The following SGCZ variants were observed in gnomAD, a reference collection of about 807,000 sequenced individuals.
The protein encoded by SGCZ is sarcoglycan zeta.
Under a neutral mutation model 41.3 loss-of-function variants are expected in SGCZ, and 40 were observed. The ratio of observed to expected loss-of-function variants is 0.97; its 90% CI spans 0.75 to 1.26. The LOEUF (loss-of-function observed/expected upper bound fraction) is 1.26, where lower values mean the gene tolerates loss of function less well. Ranked by LOEUF, SGCZ falls within the 50% of genes most tolerant of loss-of-function variation. The pLI is 0.00. For missense variants in SGCZ, 552 were observed against 369.8 expected (o/e 1.49, Z -4.04); for synonymous variants, 206 against 137.5 (o/e 1.50, Z -3.49).
chr8:14,377,406 G>A (rs1585424585), intron 2 of SGCZ, among the ~76,000 whole-genome samples: 3 of 152,054 alleles, frequency 2.0e-5, no homozygotes, highest in African/African-American at 7.2e-5. Context: ...TAATCAACTG[G>A]TAATAGGAAG....
chr8:14,366,079 T>C (rs548362913), intron 2 of SGCZ, among the ~76,000 whole-genome samples: 2 of 152,326 alleles, frequency 1.3e-5, no homozygotes, highest in African/African-American at 4.8e-5. Context: ...ATTTTTATCA[T>C]ATTTTTATAT....
intron 1 of SGCZ, among the ~76,000 whole-genome samples, chr8:14,662,124 C>G (rs1807773446): frequency 6.8e-6 from 1 of 146,054 alleles, no homozygotes; most frequent in Admixed American, 6.7e-5. Context: ...AATTCAAAAT[C>G]CAGTCACTGT....
In SGCZ at chr8:14,558,352, A is replaced by C. The variant is rs868753071; in HGVS notation, c.40-3426T>G. On this transcript the variant is annotated intron_variant, in intron 1 of 7. Coordinates refer to ENST00000382080, the MANE Select transcript of SGCZ (RefSeq NM_139167.4). ...TACTTTTGGAAGCCAAGGCAGGTGG[A>C]TCACTTGAGGTCAGGAGTTTAAGAC... Among the ~76,000 whole-genome samples, 37 of 152,196 alleles carry C rather than the reference A, an allele frequency of 2.4e-4. 2 individuals are homozygous for C. In the Middle Eastern group the frequency reaches 0.02, roughly 84 times the overall value.
intron 1 of SGCZ, among the ~76,000 whole-genome samples, chr8:14,686,893 C>A (rs922371291): frequency 1.3e-5 from 2 of 151,924 alleles, no homozygotes; most frequent in African/African-American, 4.8e-5. Flanking sequence ...AACGAACAAA[C>A]CATCATTAAC....
At chr8:14,784,018 T>C (rs930808805) in intron 1 of SGCZ, among the ~76,000 whole-genome samples, 15 of 151,846 alleles carry the variant, frequency 9.9e-5, no homozygotes, top group Non-Finnish European at 2.1e-4. Flanking sequence ...TAAATAATTC[T>C]AACCTTTAAA....
chr8:14,222,208 T>C (rs1290510574), intron 4 of SGCZ, among the ~76,000 whole-genome samples: 1 of 152,098 alleles, frequency 6.6e-6, no homozygotes, highest in Admixed American at 6.6e-5. Context: ...TCTTGCTCTG[T>C]TGCTCAGGCT....
intron 3 of SGCZ, among the ~76,000 whole-genome samples, chr8:14,318,305 A>G (rs1449151173): frequency 6.6e-6 from 1 of 151,880 alleles, no homozygotes; most frequent in African/African-American, 2.4e-5. Flanking sequence ...TATACATCAA[A>G]CTCCAGAAAA....
At chr8:15,063,298 C>T (rs917158406) in intron 1 of SGCZ, among the ~76,000 whole-genome samples, 1 of 151,944 alleles carries the variant, frequency 6.6e-6, no homozygotes, top group African/African-American at 2.4e-5. Flanking sequence ...TCACTGGTCC[C>T]CATCCAGGAA....
intron 2 of SGCZ, among the ~76,000 whole-genome samples, chr8:14,514,726 T>C (rs551705796): frequency 6.7e-6 from 1 of 148,388 alleles, no homozygotes; most frequent in African/African-American, 2.5e-5. Context: ...TATATAAACA[T>C]ATTTACATAT....
chr8:14,317,060 T>C (rs868032403), intron 3 of SGCZ, among the ~76,000 whole-genome samples: 2 of 152,042 alleles, frequency 1.3e-5, no homozygotes, highest in African/African-American at 2.4e-5. Context: ...ACATCCCATA[T>C]GCAAATTTGC....
intron 1 of SGCZ, among the ~76,000 whole-genome samples, chr8:14,640,650 G>T (rs1414552388): frequency 6.3e-4 from 7 of 11,066 alleles, no homozygotes; most frequent in Admixed American, 1.5e-3. Context: ...ATATATAGGG[G>T]TGTGTGTGTG....
At chr8:14,198,143 G>A (rs1388023906) in intron 4 of SGCZ, among the ~76,000 whole-genome samples, 1 of 152,190 alleles carries the variant, frequency 6.6e-6, no homozygotes, top group Admixed American at 6.5e-5. Flanking sequence ...GCTGTTCTGA[G>A]TAGCATGATG....
At chr8:15,183,122 C>G (rs1272613893) in intron 1 of SGCZ, among the ~76,000 whole-genome samples, 2 of 152,160 alleles carry the variant, frequency 1.3e-5, no homozygotes, top group African/African-American at 2.4e-5. Context: ...TTCTGAAATA[C>G]CTCCTGAAGG....
chr8:14,750,675 A>G (rs1381574417), intron 1 of SGCZ, among the ~76,000 whole-genome samples: 1 of 152,218 alleles, frequency 6.6e-6, no homozygotes, highest in South Asian at 2.1e-4. Context: ...TACAAAATGA[A>G]TAAAAGCTGA....
chr8:15,077,262 C>G (rs1018421332), intron 1 of SGCZ, among the ~76,000 whole-genome samples: 1 of 152,098 alleles, frequency 6.6e-6, no homozygotes, highest in Non-Finnish European at 1.5e-5. Flanking sequence ...AAATATGAAT[C>G]TGACAAGAAA....
At chr8:15,086,029 C>T (rs1308323301) in intron 1 of SGCZ, among the ~76,000 whole-genome samples, 1 of 152,132 alleles carries the variant, frequency 6.6e-6, no homozygotes, top group East Asian at 1.9e-4. Flanking sequence ...TAAACATTTG[C>T]TTCTAGAGCC....
At chr8:14,467,923 T>C (rs1048329293) in intron 2 of SGCZ, among the ~76,000 whole-genome samples, 1 of 152,082 alleles carries the variant, frequency 6.6e-6, no homozygotes, top group Non-Finnish European at 1.5e-5. Context: ...TTCTGGAAAA[T>C]GTAAAACATA....
intron 1 of SGCZ, among the ~76,000 whole-genome samples, chr8:14,995,431 T>C (rs1052382650): frequency 2.0e-5 from 3 of 152,214 alleles, no homozygotes; most frequent in Non-Finnish European, 4.4e-5. Flanking sequence ...TTTTCCCAGA[T>C]GGTTGCAGGT....
At chr8:14,486,221 C>G (rs1413053075) in intron 2 of SGCZ, among the ~76,000 whole-genome samples, 1 of 152,134 alleles carries the variant, frequency 6.6e-6, no homozygotes, top group East Asian at 1.9e-4. Flanking sequence ...CCTACACTTC[C>G]TCTCCCCCTT....
Sources: gnomAD v4.1 joint callset for allele counts (sites outside exome capture counted in the v4.1 genomes callset) on GRCh38, gnomAD v4.1.1 for gene constraint, MANE v1.5 for transcripts, NCBI Gene and HGNC (gene_info 2026-07-23, HGNC 2026-07-21) for gene names.